AASS: variants seen among roughly 807,000 people sequenced by gnomAD.
The protein encoded by AASS is alpha-aminoadipic semialdehyde synthase, mitochondrial.
Under a neutral mutation model 105.4 loss-of-function variants are expected in AASS, and 86 were observed. That is an observed-to-expected ratio of 0.82 (90% CI 0.69 to 0.98). The LOEUF (loss-of-function observed/expected upper bound fraction) is 0.98, where lower values mean the gene tolerates loss of function less well. AASS is among the 50% of genes least tolerant of loss of function. The probability of loss-of-function intolerance (pLI) is 0.00; values close to 1 mark genes in which losing one functional copy is unlikely to be tolerated. For missense variants in AASS, 1,048 were observed against 1,143.2 expected (o/e 0.92, Z 1.20); for synonymous variants, 381 against 394.8 (o/e 0.96, Z 0.41).
chr7:122,101,116 T>A (rs574023474), intron 13 of AASS, among the ~76,000 whole-genome samples: 49 of 151,700 alleles, frequency 3.2e-4, no homozygotes, highest in Non-Finnish European at 6.8e-4. Flanking sequence ...TCCTTTTGGA[T>A]TTTTGCTTGC....
chr7:122,122,327 C>G (rs1007459579), intron 4 of AASS, among the ~76,000 whole-genome samples: 1 of 151,444 alleles, frequency 6.6e-6, no homozygotes, highest in Non-Finnish European at 1.5e-5. Context: ...GAAAAAAAAA[C>G]AGAATTTAAG....
chr7:122,126,493 C>A, intron 3 of AASS, 34 bp from the exon 4 acceptor site: 1 of 1,557,032 alleles, frequency 6.4e-7, no homozygotes, highest in Non-Finnish European at 8.9e-7. Context: ...CAACTGGACC[C>A]ATTAAGCTTA....
intron 1 of AASS, among the ~76,000 whole-genome samples, chr7:122,137,742 C>T (rs114674267): frequency 6.6e-6 from 1 of 152,146 alleles, no homozygotes; most frequent in African/African-American, 2.4e-5. Context: ...GAAATGCCAA[C>T]GGAGGCTGCT....
At chr7:122,128,797 A>T (rs1389892981) in intron 3 of AASS, among the ~76,000 whole-genome samples, 1 of 152,134 alleles carries the variant, frequency 6.6e-6, no homozygotes, top group Non-Finnish European at 1.5e-5. Context: ...AAATTGTCTC[A>T]GCCAGGCACG....
chr7:122,093,374 T>C (rs918156332), intron 15 of AASS, among the ~76,000 whole-genome samples: 1 of 152,232 alleles, frequency 6.6e-6, no homozygotes, highest in African/African-American at 2.4e-5. Context: ...GGTTGAACTA[T>C]CATTCGACTT....
intron 18 of AASS, among the ~76,000 whole-genome samples, chr7:122,088,483 T>C (rs974675474): frequency 6.6e-6 from 1 of 152,168 alleles, no homozygotes; most frequent in East Asian, 1.9e-4. Context: ...CTGCAATGTC[T>C]GTGTTCCTTC....
In AASS at chr7:122,116,867, C is replaced by T. The variant is rs1319866777; in HGVS notation, c.766+12G>A. On this transcript the variant is annotated intron_variant, in intron 7 of 23. Coordinates refer to ENST00000417368, the MANE Select transcript of AASS (RefSeq NM_005763.4). ...TAAAAACATTAAAAGTTAGTCATCT[C>T]CTGTCCCTTACCTCCAGTTTGGGAA... 1.9e-6 allele frequency: 3 copies of T among 1,613,528 alleles called. No homozygotes were observed. The highest frequency in any genetic ancestry group is 1.1e-5 in the South Asian group (1 of 91,078).
chr7:122,111,809 A>G (rs1167622260), intron 11 of AASS, among the ~76,000 whole-genome samples: 2 of 152,174 alleles, frequency 1.3e-5, no homozygotes, highest in Non-Finnish European at 2.9e-5. Context: ...AGGCTGAGGC[A>G]GGAAGAATCG....
chr7:122,128,312 T>C (rs1795748375), intron 3 of AASS, among the ~76,000 whole-genome samples: 1 of 152,182 alleles, frequency 6.6e-6, no homozygotes, highest in South Asian at 2.1e-4. Flanking sequence ...AAAATAAGCA[T>C]TTCTGAACAT....
At position 122,078,858 on chromosome 7, in the gene AASS, C is replaced by T. The variant is rs1214588694; in HGVS notation, c.2485+4G>A. 13 of 1,612,782 alleles carry T rather than the reference C, an allele frequency of 8.1e-6. No homozygotes were observed. The highest frequency in any genetic ancestry group is 1.3e-5 in the African/African-American group (1 of 74,950). On this transcript the variant is annotated splice_donor_region_variant and intron_variant, in intron 22 of 23. Coordinates refer to ENST00000417368, the MANE Select transcript of AASS (RefSeq NM_005763.4). Reference sequence around the variant, plus strand: ...GTATATTTAGCTAATACTTCATGGCCTACCATAGGAAAGCTTCATGACCAA... The same window carrying T: ...GTATATTTAGCTAATACTTCATGGCTTACCATAGGAAAGCTTCATGACCAA...
chr7:122,140,504 A>AAAAAAAAAAAAAAAAAAAAAAAAAAAC, intron 1 of AASS, among the ~76,000 whole-genome samples: 1 of 149,808 alleles, frequency 6.7e-6, no homozygotes, highest in Non-Finnish European at 1.5e-5. Flanking sequence ...AAAAAAAAAA[A>AAAAAAAAAAAAAAAAAAAAAAAAAAAC]AAAAGAATGA....
intron 23 of AASS, among the ~76,000 whole-genome samples, chr7:122,076,901 T>A (rs1194776993): frequency 6.6e-6 from 1 of 152,154 alleles, no homozygotes; most frequent in Non-Finnish European, 1.5e-5. Flanking sequence ...CAAAGTAAAG[T>A]AAGAAGTAAA....
At chr7:122,120,323 TTATC>T (rs1423147505) in intron 4 of AASS, among the ~76,000 whole-genome samples, 1 of 152,154 alleles carries the variant, frequency 6.6e-6, no homozygotes, top group Admixed American at 6.5e-5. Context: ...TTTTGAAAAT[TTATC>T]TAGTTCATCA....
intron 4 of AASS, 29 bp from the exon 5 acceptor site, chr7:122,118,659 C>T: frequency 6.2e-7 from 1 of 1,607,328 alleles, no homozygotes; most frequent in Non-Finnish European, 8.5e-7. Context: ...AATAGAAAGA[C>T]TATTAGTTGG....
At chr7:122,095,949 C>T (rs1794135388) in intron 15 of AASS, among the ~76,000 whole-genome samples, 1 of 152,022 alleles carries the variant, frequency 6.6e-6, no homozygotes, top group Non-Finnish European at 1.5e-5. Context: ...AAAACTTTGG[C>T]CTTATAATAG....
intron 4 of AASS, 66 bp from the exon 5 acceptor site, chr7:122,118,696 C>A: frequency 6.6e-7 from 1 of 1,506,188 alleles, no homozygotes; most frequent in South Asian, 1.2e-5. Flanking sequence ...TCTCTCTGCT[C>A]GTTCTCCAAT....
rs766832910 is a variant in AASS, at chr7:122,133,678, A to C, written c.49T>G (p.Ser17Ala). 6.2e-7 allele frequency: 1 copy of C among 1,614,126 alleles called. No individual in the cohort carries two copies. Among genetic ancestry groups the C allele is most frequent in the Non-Finnish European group, 8.5e-7 (1 of 1,180,026 alleles). Residue 17 changes from serine (S) to alanine (A), a missense_variant, in exon 2 of 24, where the codon TCC becomes GCC. Physicochemically the swap from Ser to Ala is moderately conservative, Grantham distance 99 (BLOSUM62 1). Transcript: ENST00000417368. ...TGLGRLGVSL[S>A]KGLHHKAVLA... ...ACAGCTTTGTGGTGAAGACCCTTGGAGAGGCTGACCCCCAGCCTGCCCAGT... is the reference window on the plus strand; with the variant it reads ...ACAGCTTTGTGGTGAAGACCCTTGGCGAGGCTGACCCCCAGCCTGCCCAGT...
At position 122,098,760 on chromosome 7, in the gene AASS, T is replaced by C. The variant is rs1259093125; in HGVS notation, c.1513A>G (p.Ile505Val). The change falls in exon 14 of 24, where the codon ATA becomes GTA. Residue 505 changes from isoleucine (I) to valine (V), a missense_variant. Physicochemically the swap from Ile to Val is conservative, Grantham distance 29 (BLOSUM62 3). Coordinates refer to ENST00000417368, the MANE Select transcript of AASS (RefSeq NM_005763.4). ...GCTTATTTACCTACTGTTATTTCTA[T>C]ATTGCCATCTCTTGATAAATATTCT... ...VLEYLSRDGN[I>V]EITVGSDMKN... 1.0e-5 allele frequency: 16 copies of C among 1,607,974 alleles called. No homozygotes were observed. Among genetic ancestry groups the C allele is most frequent in the Non-Finnish European group, 1.4e-5 (16 of 1,176,862 alleles).
chr7:122,129,686 T>C (rs1254590180), intron 2 of AASS, 149 bp from the exon 3 acceptor site: 1 of 699,330 alleles, frequency 1.4e-6, no homozygotes, highest in Non-Finnish European at 2.4e-6. Context: ...CTACTTGTAA[T>C]GTTTGTACTT....
Sources: allele counts gnomAD v4.1 joint callset (sites outside exome capture counted in the v4.1 genomes callset), GRCh38; gene constraint gnomAD v4.1.1; transcripts MANE v1.5; gene names NCBI Gene and HGNC (gene_info 2026-07-23, HGNC 2026-07-21).